Variants in SBF2 observed in about 807,000 individuals in gnomAD.
SBF2 encodes myotubularin-related protein 13.
A neutral mutation model predicts 225.2 loss-of-function variants in SBF2; 112 were observed. The ratio of observed to expected loss-of-function variants is 0.50; its 90% confidence interval spans 0.43 to 0.58. SBF2 has a LOEUF of 0.58. SBF2 is among the 20% of genes least tolerant of loss of function. The pLI is 0.00. For missense variants in SBF2, 1,996 were observed against 2,206.2 expected (o/e 0.90, Z 1.91); for synonymous variants, 763 against 773.3 (o/e 0.99, Z 0.22).
At chr11:9,788,277 T>C (rs868070527) in intron 35 of SBF2, among the ~76,000 whole-genome samples, 1 of 152,192 alleles carries the variant, frequency 6.6e-6, no homozygotes, top group Middle Eastern at 3.2e-3. Context: ...AGCATACTCT[T>C]CCTGGTCAGG....
Position 10,133,004 on chromosome 11 carries a change from T to C in SBF2, c.141+60898A>G, listed in dbSNP as rs1049535182. 1.8e-4 allele frequency among the ~76,000 whole-genome samples: 27 copies of C among 148,994 alleles called. 1 individual carries two copies. The highest frequency in any genetic ancestry group is 3.1e-4 in the Non-Finnish European group (21 of 67,450). On this transcript the variant is annotated intron_variant, in intron 2 of 39. Coordinates refer to ENST00000256190, the MANE Select transcript of SBF2 (RefSeq NM_030962.4). ...CCTTGAGCTAAACACAGGGTGCTGA[T>C]TGGTGTGTTTACAAACCTTGAGCTA...
Position 10,285,202 on chromosome 11 carries a change from C to T in SBF2, c.55+8813G>A, listed in dbSNP as rs534178548. ...GCGTGCACCTGTAGTCCCAGCTACT[C>T]GGCAGGCTGAGGTGGGAAGATGAAC... On this transcript the variant is annotated intron_variant, in intron 1 of 39. Transcript: ENST00000256190. 4.6e-5 allele frequency among the ~76,000 whole-genome samples: 7 copies of T among 151,946 alleles called. No individual in the cohort carries two copies. In the South Asian group the frequency reaches 1.5e-3, roughly 32 times the overall value.
chr11:10,135,887 T>G (rs1383219881), intron 2 of SBF2, among the ~76,000 whole-genome samples: 1 of 152,124 alleles, frequency 6.6e-6, no homozygotes, highest in Non-Finnish European at 1.5e-5. Context: ...CCACATTTTT[T>G]GGGTATCTTT....
At chr11:10,014,528 A>AAC (rs1491006672) in intron 6 of SBF2, among the ~76,000 whole-genome samples, 3 of 138,206 alleles carry the variant, frequency 2.2e-5, no homozygotes, top group Non-Finnish European at 3.1e-5. Context: ...AAAAAAAAAA[A>AAC]CGAAAATGGA....
intron 28 of SBF2, among the ~76,000 whole-genome samples, chr11:9,827,853 G>A (rs1855160359): frequency 6.6e-6 from 1 of 152,160 alleles, no homozygotes; most frequent in Non-Finnish European, 1.5e-5. Flanking sequence ...AGTACTCCCA[G>A]GGCTGACTCA....
intron 2 of SBF2, among the ~76,000 whole-genome samples, chr11:10,075,635 T>C (rs1263954365): frequency 6.6e-6 from 1 of 152,206 alleles, no homozygotes; most frequent in East Asian, 1.9e-4. Context: ...CCTGCCACCA[T>C]GTGAAAACAT....
intron 2 of SBF2, among the ~76,000 whole-genome samples, chr11:10,127,460 C>T (rs946508417): frequency 6.6e-6 from 1 of 152,010 alleles, no homozygotes; most frequent in Non-Finnish European, 1.5e-5. Context: ...TTGTTGTTAT[C>T]TCATCAACAT....
intron 17 of SBF2, among the ~76,000 whole-genome samples, chr11:9,859,140 G>C (rs960726785): frequency 6.6e-6 from 1 of 152,140 alleles, no homozygotes; most frequent in Non-Finnish European, 1.5e-5. Flanking sequence ...GCATTTAGAA[G>C]GCACTTCATA....
intron 2 of SBF2, among the ~76,000 whole-genome samples, chr11:10,169,294 T>C (rs1323505987): frequency 1.3e-5 from 2 of 152,124 alleles, no homozygotes; most frequent in Admixed American, 6.5e-5. Context: ...AACTATATTT[T>C]TGTGCCCATT....
chr11:9,860,888 AAACAT>A (rs1857680012), intron 17 of SBF2, among the ~76,000 whole-genome samples: 3 of 152,212 alleles, frequency 2.0e-5, no homozygotes, highest in Admixed American at 2.0e-4. Flanking sequence ...GTTATTAATT[AAACAT>A]CTTTTATTAA....
At chr11:9,887,975 A>G (rs903208192) in intron 17 of SBF2, among the ~76,000 whole-genome samples, 2 of 152,136 alleles carry the variant, frequency 1.3e-5, no homozygotes, top group Non-Finnish European at 2.9e-5. Flanking sequence ...GGAAATATCT[A>G]TTTTTTATAT....
chr11:10,018,968 C>T (rs1451691912), intron 6 of SBF2, among the ~76,000 whole-genome samples: 4 of 152,086 alleles, frequency 2.6e-5, no homozygotes, highest in African/African-American at 9.7e-5. Flanking sequence ...TTCTAGAATG[C>T]CCTTATTTTA....
At chr11:10,221,384 C>T (rs1180521545) in intron 1 of SBF2, among the ~76,000 whole-genome samples, 1 of 152,180 alleles carries the variant, frequency 6.6e-6, no homozygotes, top group Non-Finnish European at 1.5e-5. Context: ...TCCTAAAGTG[C>T]TGGGATTACA....
intron 1 of SBF2, among the ~76,000 whole-genome samples, chr11:10,274,617 G>C (rs1210876678): frequency 6.6e-6 from 1 of 151,994 alleles, no homozygotes; most frequent in African/African-American, 2.4e-5. Flanking sequence ...TGGGAGTGGT[G>C]GTGGGCACCT....
intron 17 of SBF2, among the ~76,000 whole-genome samples, chr11:9,870,239 T>C (rs779187611): frequency 1.3e-5 from 2 of 152,186 alleles, no homozygotes; most frequent in Non-Finnish European, 2.9e-5. Context: ...TCCATGCTCA[T>C]GTATTTGAAG....
intron 1 of SBF2, among the ~76,000 whole-genome samples, chr11:10,219,283 G>T (rs1473398233): frequency 2.0e-5 from 3 of 152,234 alleles, no homozygotes; most frequent in Non-Finnish European, 2.9e-5. Context: ...CAAGGCTTGA[G>T]GCTTGCACCC....
chr11:10,059,621 T>C (rs748267524), intron 2 of SBF2, among the ~76,000 whole-genome samples: 4 of 152,152 alleles, frequency 2.6e-5, no homozygotes, highest in Non-Finnish European at 5.9e-5. Context: ...ATTGACCACA[T>C]AATTGGACAT....
chr11:9,894,301 A>C (rs1158793294), intron 17 of SBF2, among the ~76,000 whole-genome samples: 1 of 151,654 alleles, frequency 6.6e-6, no homozygotes, highest in Non-Finnish European at 1.5e-5. Context: ...GGCGGATCAC[A>C]AGGTCAGGAG....
intron 17 of SBF2, among the ~76,000 whole-genome samples, chr11:9,870,178 C>CA (rs1858605509): frequency 1.3e-5 from 2 of 152,142 alleles, no homozygotes; most frequent in South Asian, 4.1e-4. Flanking sequence ...AAGAGAACTA[C>CA]AAACCACAGG....
Sources: allele counts gnomAD v4.1 joint callset (sites outside exome capture counted in the v4.1 genomes callset), GRCh38; gene constraint gnomAD v4.1.1; transcripts MANE v1.5; gene names NCBI Gene and HGNC (gene_info 2026-07-23, HGNC 2026-07-21).